DTNBP1: variants seen among roughly 807,000 people sequenced by gnomAD.
DTNBP1 encodes dystrobrevin binding protein 1, also known as dysbindin.
In DTNBP1, 35 loss-of-function variants were observed where a neutral mutation model predicts 42.8. The observed-to-expected ratio is 0.82, with a 90% CI of 0.63 to 1.09. DTNBP1 has a LOEUF of 1.09. DTNBP1 is among the 50% of genes least tolerant of loss of function. The probability of loss-of-function intolerance (pLI) is 0.00; values close to 1 mark genes in which losing one functional copy is unlikely to be tolerated. For synonymous variants in DTNBP1, 171 were observed against 162.2 expected (o/e 1.05, Z -0.41); for missense variants, 457 against 424.2 (o/e 1.08, Z -0.68).
At chr6:15,610,415 T>C (rs888332030) in intron 6 of DTNBP1, among the ~76,000 whole-genome samples, 1 of 152,168 alleles carries the variant, frequency 6.6e-6, no homozygotes, top group Admixed American at 6.5e-5. Flanking sequence ...GACCCAATAA[T>C]ATTGAAATCA....
intron 7 of DTNBP1, among the ~76,000 whole-genome samples, chr6:15,544,271 T>C (rs1023081782): frequency 1.3e-5 from 2 of 152,210 alleles, no homozygotes; most frequent in Non-Finnish European, 2.9e-5. Flanking sequence ...TATTATTGAG[T>C]AGAATTTTAT....
intron 7 of DTNBP1, among the ~76,000 whole-genome samples, chr6:15,533,877 T>C (rs747482553): frequency 2.6e-5 from 4 of 152,240 alleles, no homozygotes; most frequent in Non-Finnish European, 4.4e-5. Context: ...CATTTCAACA[T>C]GCTGTCACTC....
rs987736805 is a variant in DTNBP1, at chr6:15,522,899, C to T, written c.*76G>A. 2.5e-6 allele frequency: 4 copies of T among 1,613,048 alleles called. No homozygotes were observed. In the East Asian group the frequency reaches 6.7e-5, roughly 27 times the overall value. On this transcript the variant is annotated 3_prime_UTR_variant, in exon 10 of 10. Coordinates refer to ENST00000344537, the MANE Select transcript of DTNBP1 (RefSeq NM_032122.5). The stretch of plus-strand genomic sequence containing the variant: ...AAAATCAAGAACCTCTATAAAACAA[C>T]CTGGCTTTCCAGGTGGAATTCCGCA...
intron 7 of DTNBP1, among the ~76,000 whole-genome samples, chr6:15,582,315 G>C (rs1323284746): frequency 6.6e-6 from 1 of 152,128 alleles, no homozygotes; most frequent in Non-Finnish European, 1.5e-5. Context: ...TTAAATCCCT[G>C]CTGAAATGCT....
intron 1 of DTNBP1, among the ~76,000 whole-genome samples, chr6:15,657,162 C>T (rs190223378): frequency 6.6e-6 from 1 of 152,288 alleles, no homozygotes; most frequent in East Asian, 1.9e-4. Context: ...TATCTACATC[C>T]TAATGCCTTT....
At position 15,662,876 on chromosome 6, in the gene DTNBP1, C is replaced by T; in HGVS notation, c.-7G>A. The T allele has an allele frequency of 6.2e-7, 1 of 1,604,612 alleles. No individual in the cohort carries two copies. The highest frequency in any genetic ancestry group is 8.5e-7 in the Non-Finnish European group (1 of 1,179,452). On this transcript the variant is annotated 5_prime_UTR_variant, in exon 1 of 10. Transcript: ENST00000344537. Reference sequence around the variant, plus strand: ...CGCGAAGGGTCTCCAGCATTGCCGCCGCCGCCGGTCTCCTCTCCTCAGGCC... The same window carrying T: ...CGCGAAGGGTCTCCAGCATTGCCGCTGCCGCCGGTCTCCTCTCCTCAGGCC...
chr6:15,637,706 A>G, intron 4 of DTNBP1, 38 bp downstream of exon 4: 4 of 1,607,664 alleles, frequency 2.5e-6, no homozygotes, highest in African/African-American at 1.3e-5. Flanking sequence ...CTGAAAAAGG[A>G]AAGTTTGCCA....
intron 7 of DTNBP1, among the ~76,000 whole-genome samples, chr6:15,558,273 C>CT (rs58029295): frequency 0.014 from 1,910 of 136,510 alleles, 27 homozygotes; most frequent in African/African-American, 0.025. Flanking sequence ...GATGAGTACT[C>CT]TTTTTTTTTT....
At chr6:15,613,202 G>A (rs1428683653) in intron 6 of DTNBP1, among the ~76,000 whole-genome samples, 1 of 151,244 alleles carries the variant, frequency 6.6e-6, no homozygotes, top group East Asian at 2.0e-4. Context: ...CCAGCTACTC[G>A]GGAGACAGAA....
chr6:15,593,199 G>C, intron 6 of DTNBP1, 118 bp from the exon 7 acceptor site: 1 of 914,142 alleles, frequency 1.1e-6, no homozygotes, highest in Non-Finnish European at 1.7e-6. Context: ...GGTATTTCTG[G>C]ATCTTCACAT....
At chr6:15,578,068 G>A (rs1174172941) in intron 7 of DTNBP1, among the ~76,000 whole-genome samples, 1 of 152,222 alleles carries the variant, frequency 6.6e-6, no homozygotes, top group Non-Finnish European at 1.5e-5. Context: ...TGGTGCAGAA[G>A]AGAGAGGACA....
intron 6 of DTNBP1, among the ~76,000 whole-genome samples, chr6:15,610,175 G>A (rs776777442): frequency 7.9e-5 from 12 of 152,146 alleles, no homozygotes; most frequent in Non-Finnish European, 1.3e-4. Context: ...CTAAGCGGAG[G>A]ATCAAGGGAT....
chr6:15,543,447 T>C (rs1038585637), intron 7 of DTNBP1, among the ~76,000 whole-genome samples: 1 of 152,190 alleles, frequency 6.6e-6, no homozygotes, highest in Non-Finnish European at 1.5e-5. Flanking sequence ...ACTACATGCA[T>C]AGCCTTGTGT....
chr6:15,649,695 T>G (rs1024077429), intron 3 of DTNBP1, among the ~76,000 whole-genome samples: 1 of 152,228 alleles, frequency 6.6e-6, no homozygotes, highest in Non-Finnish European at 1.5e-5. Context: ...ACATTTGCTA[T>G]TTAAAATGGT....
intron 3 of DTNBP1, among the ~76,000 whole-genome samples, chr6:15,648,077 T>C (rs919430616): frequency 3.3e-5 from 5 of 152,064 alleles, no homozygotes; most frequent in African/African-American, 1.2e-4. Context: ...GAGGGATTTA[T>C]TCCTGGAATG....
intron 6 of DTNBP1, among the ~76,000 whole-genome samples, chr6:15,608,408 A>G (rs1758197846): frequency 6.6e-6 from 1 of 152,216 alleles, no homozygotes. Flanking sequence ...CCGATAAGAC[A>G]ATGCATTAGC....
intron 9 of DTNBP1, 103 bp downstream of exon 9, chr6:15,524,423 G>C (rs146992186): frequency 4.3e-6 from 7 of 1,614,194 alleles, no homozygotes; most frequent in Non-Finnish European, 5.9e-6. Flanking sequence ...GAGCTTGGGG[G>C]TTTATGCGTA....
At chr6:15,585,064 AATAT>A (rs59261831) in intron 7 of DTNBP1, among the ~76,000 whole-genome samples, 1,900 of 118,242 alleles carry the variant, frequency 0.016, 26 homozygotes, top group Admixed American at 0.018. Context: ...TTATGAAAAG[AATAT>A]ATATATATAT....
At chr6:15,637,901 G>A in intron 3 of DTNBP1, 97 bp from the exon 4 acceptor site, 1 of 1,320,272 alleles carries the variant, frequency 7.6e-7, no homozygotes, top group South Asian at 1.2e-5. Context: ...TGCTAGAAAG[G>A]AAACACTCAA....
Sources: allele counts gnomAD v4.1 joint callset (sites outside exome capture counted in the v4.1 genomes callset), GRCh38; gene constraint gnomAD v4.1.1; transcripts MANE v1.5; gene names NCBI Gene and HGNC (gene_info 2026-07-23, HGNC 2026-07-21).